Variants in RANBP2 observed in about 807,000 individuals in gnomAD.
RANBP2 encodes E3 SUMO-protein ligase RanBP2.
RANBP2 carries 57 observed loss-of-function variants against 303.6 expected under a neutral mutation model. That is an observed-to-expected ratio of 0.19 (90% confidence interval 0.15 to 0.23). The LOEUF is 0.23. Among genes scored for constraint, RANBP2 ranks in the 10% least tolerant of loss-of-function variants. RANBP2 has a pLI of 1.00. For synonymous variants in RANBP2, 1,167 were observed against 1,301.5 expected, an observed-to-expected ratio of 0.90 and a Z score of 2.23; for missense variants, 3,138 against 3,780.8, an observed-to-expected ratio of 0.83 and a Z score of 4.46.
chr2:109,296,954 C>A, the RANBP2 span, among the ~76,000 whole-genome samples: 2 of 152,248 alleles, frequency 1.3e-5, no homozygotes, highest in East Asian at 3.9e-4. Context: ...TGGGGACCTA[C>A]CCTGAGGAGC....
chr2:109,728,784 T>C, the RANBP2 span, among the ~76,000 whole-genome samples: 1 of 150,576 alleles, frequency 6.6e-6, no homozygotes, highest in African/African-American at 2.4e-5. Flanking sequence ...TATACAGTGG[T>C]GTGCTAGTAA....
At chr2:109,232,828 A>G in the RANBP2 span, among the ~76,000 whole-genome samples, 15 of 152,284 alleles carry the variant, frequency 9.9e-5, no homozygotes, top group African/African-American at 3.4e-4. Context: ...CTAAATTTTA[A>G]TGCAAAATTT....
the RANBP2 span, among the ~76,000 whole-genome samples, chr2:109,394,377 C>A: frequency 6.6e-6 from 1 of 152,090 alleles, no homozygotes; most frequent in Non-Finnish European, 1.5e-5. Flanking sequence ...CTGCACCATC[C>A]CCTTGAGCTA....
intron 8 of RANBP2, among the ~76,000 whole-genome samples, chr2:108,747,581 T>C (rs942939829): frequency 2.6e-5 from 4 of 152,238 alleles, no homozygotes; most frequent in Admixed American, 6.5e-5. Flanking sequence ...TCTACTTTTT[T>C]CCTTTTCTCT....
the RANBP2 span, among the ~76,000 whole-genome samples, chr2:109,267,397 G>A: frequency 0.31 from 47,556 of 152,030 alleles, 7,769 homozygotes; most frequent in South Asian, 0.37. Context: ...TGCTGAGCTT[G>A]CCCGAAGAAA....
chr2:108,781,543 A>AAATGG lies in RANBP2; in HGVS notation c.8760+117_8760+121dup. The stretch of plus-strand genomic sequence containing the variant: ...TGCATTTAAGAATGTTTACTGTTTG[A>AAATGG]AATGGAAGCTCTATTTATTAGATGT... On this transcript the variant is annotated intron_variant, in intron 26 of 28. Coordinates refer to ENST00000283195, the MANE Select transcript of RANBP2 (RefSeq NM_006267.5). The AAATGG allele has an allele frequency of 4.2e-6, 4 of 955,866 alleles. No individual in the cohort carries two copies. The South Asian group carries it at 6.3e-5, about 15-fold the overall frequency. 59.2% of individuals were successfully genotyped at this position (955,866 alleles called of 1,614,324 possible). A position where few individuals can be genotyped will look rare whatever the true frequency, so the allele number is the denominator to read the frequency against.
At chr2:109,429,073 G>C in the RANBP2 span, among the ~76,000 whole-genome samples, 1 of 152,204 alleles carries the variant, frequency 6.6e-6, no homozygotes. Flanking sequence ...TGCCACTGTG[G>C]CTGCAGGGGG....
chr2:109,422,210 A>C, the RANBP2 span, among the ~76,000 whole-genome samples: 1 of 152,188 alleles, frequency 6.6e-6, no homozygotes. Flanking sequence ...ACAACAGTGC[A>C]CTGCTGCCCA....
the RANBP2 span, among the ~76,000 whole-genome samples, chr2:109,202,914 A>C: frequency 3.3e-5 from 5 of 152,224 alleles, no homozygotes; most frequent in African/African-American, 7.2e-5. Flanking sequence ...GTAATGTTTT[A>C]GAGTGTAGGT....
the RANBP2 span, among the ~76,000 whole-genome samples, chr2:109,707,299 C>A: frequency 6.6e-6 from 1 of 152,088 alleles, no homozygotes; most frequent in African/African-American, 2.4e-5. Flanking sequence ...CAAAAAGAAC[C>A]CAACTGGCTC....
chr2:109,408,944 C>T, the RANBP2 span, among the ~76,000 whole-genome samples: 1 of 152,208 alleles, frequency 6.6e-6, no homozygotes, highest in Non-Finnish European at 1.5e-5. Flanking sequence ...CCATCCACGG[C>T]TCTTCCTGAT....
chr2:109,286,365 G>A, the RANBP2 span, among the ~76,000 whole-genome samples: 1 of 152,204 alleles, frequency 6.6e-6, no homozygotes, highest in African/African-American at 2.4e-5. Flanking sequence ...ACTCCAGGGG[G>A]CCCTTGGTTG....
At chr2:109,037,201 G>A in the RANBP2 span, among the ~76,000 whole-genome samples, 1 of 151,850 alleles carries the variant, frequency 6.6e-6, no homozygotes, top group Non-Finnish European at 1.5e-5. Context: ...TGGTGTGCCT[G>A]TGGTCCCAGC....
chr2:108,828,991 T>A, the RANBP2 span, among the ~76,000 whole-genome samples: 7 of 151,680 alleles, frequency 4.6e-5, no homozygotes, highest in East Asian at 1.9e-4. Context: ...AAGAAAAAAA[T>A]TTAACTCAAA....
the RANBP2 span, among the ~76,000 whole-genome samples, chr2:109,604,019 G>A: frequency 2.0e-5 from 3 of 151,710 alleles, no homozygotes; most frequent in South Asian, 2.1e-4. Context: ...AAAATTAGCC[G>A]GGCATAGTGG....
chr2:109,052,602 G>T, the RANBP2 span, among the ~76,000 whole-genome samples: 1 of 152,160 alleles, frequency 6.6e-6, no homozygotes, highest in Non-Finnish European at 1.5e-5. Context: ...TTCAAAATAC[G>T]AAATGCCTAG....
the RANBP2 span, among the ~76,000 whole-genome samples, chr2:109,292,329 A>G: frequency 1.3e-5 from 2 of 152,206 alleles, no homozygotes; most frequent in African/African-American, 4.8e-5. Context: ...GGGGTTCCAC[A>G]TATGTGTTTG....
At chr2:109,538,694 A>AT in the RANBP2 span, among the ~76,000 whole-genome samples, 1 of 152,046 alleles carries the variant, frequency 6.6e-6, no homozygotes, top group Non-Finnish European at 1.5e-5. Flanking sequence ...AATTTTTTAT[A>AT]TTTTTAGTAG....
At chr2:108,894,229 T>G in the RANBP2 span, among the ~76,000 whole-genome samples, 31 of 152,344 alleles carry the variant, frequency 2.0e-4, no homozygotes, top group Admixed American at 2.0e-3. Flanking sequence ...GAGCTAATGA[T>G]GGCAACTTGG....
Sources: gnomAD v4.1 joint callset for allele counts (sites outside exome capture counted in the v4.1 genomes callset) on GRCh38, gnomAD v4.1.1 for gene constraint, MANE v1.5 for transcripts, NCBI Gene and HGNC (gene_info 2026-07-23, HGNC 2026-07-21) for gene names.